The following CCDC102B variants were observed in gnomAD, a reference collection of about 807,000 sequenced individuals.
CCDC102B encodes coiled-coil domain-containing protein 102B.
Under a neutral mutation model 57.4 loss-of-function variants are expected in CCDC102B, and 75 were observed. The observed-to-expected ratio is 1.31, with a 90% CI of 1.08 to 1.58. The LOEUF is 1.58. Among genes scored for constraint, CCDC102B ranks in the 40% most tolerant of loss-of-function variants. The pLI, the probability that CCDC102B is intolerant of heterozygous loss-of-function variation, is 0.00. For synonymous variants in CCDC102B, 206 were observed against 201.9 expected (o/e 1.02, Z -0.17); for missense variants, 636 against 582.6 (o/e 1.09, Z -0.94).
At chr18:68,795,478 C>G (rs2035598886), upstream of CCDC102B, among the ~76,000 whole-genome samples, 1 of 152,124 alleles carries the variant, frequency 6.6e-6, no homozygotes, top group African/African-American at 2.4e-5. Context: ...AGTCCAAAAT[C>G]AAGATGTCAG....
chr18:69,005,086 G>A (rs755564811), intron 6 of CCDC102B, among the ~76,000 whole-genome samples: 3 of 152,096 alleles, frequency 2.0e-5, no homozygotes, highest in Non-Finnish European at 4.4e-5. Flanking sequence ...CTTAAAAACA[G>A]GCAGGTAGTA....
chr18:68,832,497 T>C (rs1388993477), intron 1 of CCDC102B, among the ~76,000 whole-genome samples: 2 of 152,122 alleles, frequency 1.3e-5, no homozygotes, highest in Non-Finnish European at 2.9e-5. Context: ...ATTTTGTTGT[T>C]GTTGTTGTGC....
At chr18:68,811,958 G>A (rs1037918805) in intron 1 of CCDC102B, among the ~76,000 whole-genome samples, 1 of 152,168 alleles carries the variant, frequency 6.6e-6, no homozygotes, top group African/African-American at 2.4e-5. Flanking sequence ...ACTGAATGTG[G>A]TACCTTTTAA....
intron 6 of CCDC102B, among the ~76,000 whole-genome samples, chr18:68,979,454 AC>A (rs1357767411): frequency 6.6e-6 from 1 of 152,066 alleles, no homozygotes; most frequent in African/African-American, 2.4e-5. Context: ...GAATAAAAAA[AC>A]AAGTCGGCCA....
At chr18:68,896,696 T>C (rs544646052) in intron 5 of CCDC102B, among the ~76,000 whole-genome samples, 75 of 152,028 alleles carry the variant, frequency 4.9e-4, no homozygotes, top group Admixed American at 1.8e-3. Context: ...AAATTATATA[T>C]ATTTTTTCAA....
intron 7 of CCDC102B, among the ~76,000 whole-genome samples, chr18:69,020,447 T>C (rs1205201644): frequency 6.6e-6 from 1 of 152,094 alleles, no homozygotes; most frequent in African/African-American, 2.4e-5. Flanking sequence ...TACAATGATA[T>C]TAAAATCTGG....
chr18:68,994,369 C>G (rs1568109164), intron 6 of CCDC102B, among the ~76,000 whole-genome samples: 1 of 151,884 alleles, frequency 6.6e-6, no homozygotes, highest in African/African-American at 2.4e-5. Context: ...GGAGTATGTT[C>G]CCTTTTCACT....
At chr18:68,935,481 T>A (rs895918754) in intron 6 of CCDC102B, among the ~76,000 whole-genome samples, 1 of 151,986 alleles carries the variant, frequency 6.6e-6, no homozygotes, top group African/African-American at 2.4e-5. Flanking sequence ...TTTGGTTTTT[T>A]AATTTGTTTT....
At chr18:69,041,494 A>G (rs1438803182) in intron 7 of CCDC102B, among the ~76,000 whole-genome samples, 4 of 151,992 alleles carry the variant, frequency 2.6e-5, no homozygotes, top group African/African-American at 9.7e-5. Flanking sequence ...TTACTGTTTC[A>G]TCTTCCTGCT....
chr18:68,908,269 T>G (rs2040714954), intron 6 of CCDC102B: 1 of 152,190 alleles, frequency 6.6e-6, no homozygotes, highest in East Asian at 1.9e-4. Context: ...ATGTCTGGCT[T>G]GGGGTCAGGG....
chr18:68,992,197 C>A (rs1382912222), intron 6 of CCDC102B, among the ~76,000 whole-genome samples: 1 of 152,044 alleles, frequency 6.6e-6, no homozygotes, highest in Admixed American at 6.6e-5. Flanking sequence ...GGAGTTTGGA[C>A]TTTTCATTTG....
chr18:68,792,895 T>G (rs551238142), intron 2 of CCDC102B, among the ~76,000 whole-genome samples: 4 of 152,352 alleles, frequency 2.6e-5, no homozygotes, highest in Admixed American at 6.5e-5. Context: ...ATATTCTGTT[T>G]ATAAAGAAAA....
intron 7 of CCDC102B, among the ~76,000 whole-genome samples, chr18:69,012,316 G>T (rs2051540380): frequency 6.6e-6 from 1 of 152,074 alleles, no homozygotes; most frequent in Non-Finnish European, 1.5e-5. Flanking sequence ...CTTTATTTTT[G>T]TCAATATCGG....
intron 2 of CCDC102B, among the ~76,000 whole-genome samples, chr18:68,781,622 T>G (rs1030943333): frequency 2.6e-5 from 4 of 152,160 alleles, no homozygotes; most frequent in Non-Finnish European, 4.4e-5. Flanking sequence ...TCTCCATTAC[T>G]TTAAAAACAT....
intron 6 of CCDC102B, among the ~76,000 whole-genome samples, chr18:69,010,102 T>G (rs1249822201): frequency 8.0e-6 from 1 of 125,582 alleles, no homozygotes. Context: ...CGGCTAATTT[T>G]TTTTTTTTTT....
chr18:68,916,511 T>C (rs1482916327), intron 6 of CCDC102B, among the ~76,000 whole-genome samples: 2 of 152,166 alleles, frequency 1.3e-5, no homozygotes, highest in Non-Finnish European at 2.9e-5. Context: ...CTAAATCTAA[T>C]CTGCAGCTCT....
chr18:69,033,895 TG>T (rs1267897026), intron 7 of CCDC102B, among the ~76,000 whole-genome samples: 3 of 152,188 alleles, frequency 2.0e-5, no homozygotes, highest in African/African-American at 7.2e-5. Context: ...CATCCTCCTT[TG>T]GTGTGAAGTG....
chr18:69,015,334 T>A (rs546776052), intron 7 of CCDC102B, among the ~76,000 whole-genome samples: 2 of 152,354 alleles, frequency 1.3e-5, no homozygotes, highest in Admixed American at 1.3e-4. Context: ...ATGTGTATTA[T>A]TTGATTGCAG....
chr18:68,772,401 C>G (rs1289605840), intron 2 of CCDC102B, among the ~76,000 whole-genome samples: 1 of 152,114 alleles, frequency 6.6e-6, no homozygotes, highest in Non-Finnish European at 1.5e-5. Context: ...TTGTAGAGTA[C>G]AAATTATCTG....
Sources: allele counts gnomAD v4.1 joint callset (sites outside exome capture counted in the v4.1 genomes callset), GRCh38; gene constraint gnomAD v4.1.1; transcripts MANE v1.5; gene names NCBI Gene and HGNC (gene_info 2026-07-23, HGNC 2026-07-21).